Variants in ANKRD50 observed in about 807,000 individuals in gnomAD.
ANKRD50 encodes the protein ankyrin repeat domain 50.
ANKRD50 carries 40 observed loss-of-function variants against 112.0 expected under a neutral mutation model. That is an observed-to-expected ratio of 0.36 (90% CI 0.28 to 0.46). The LOEUF is 0.46. ANKRD50 is among the 20% of genes least tolerant of loss of function. ANKRD50 has a pLI of 1.00. For synonymous variants in ANKRD50, 613 were observed against 619.1 expected (o/e 0.99, Z 0.15); for missense variants, 1,487 against 1,701.7 (o/e 0.87, Z 2.22).
In ANKRD50 at chr4:124,671,059, C is replaced by T. The variant is rs759097848; in HGVS notation, c.2218G>A (p.Glu740Lys). 1.9e-6 allele frequency: 3 copies of T among 1,613,692 alleles called. No homozygotes were observed. Among genetic ancestry groups the T allele is most frequent in the Non-Finnish European group, 1.7e-6 (2 of 1,179,856 alleles). ...VVSLLIDRGA[E>K]VDHCDKDGMT... Reference sequence around the variant, plus strand: ...CCATCTTTATCACAATGATCTACTTCAGCACCTCGATCAATTAAAAGGCTA... The same window carrying T: ...CCATCTTTATCACAATGATCTACTTTAGCACCTCGATCAATTAAAAGGCTA... Residue 740 changes from glutamate (E) to lysine (K), a missense_variant, in exon 4 of 5, where the codon GAA (glutamate) becomes AAA (lysine). Coordinates refer to ENST00000504087, the MANE Select transcript of ANKRD50 (RefSeq NM_020337.3).
chr4:124,674,387 G>T (rs1166731271), intron 3 of ANKRD50, among the ~76,000 whole-genome samples: 7 of 151,860 alleles, frequency 4.6e-5, no homozygotes, highest in Non-Finnish European at 1.0e-4. Context: ...AACAGGTAGG[G>T]TTCTACAGAA....
chr4:124,687,213 T>C (rs1560825667), intron 2 of ANKRD50, among the ~76,000 whole-genome samples: 2 of 152,208 alleles, frequency 1.3e-5, no homozygotes. Context: ...AACATGATTT[T>C]TCACAAAGTT....
chr4:124,674,178 A>T (rs75587739), intron 3 of ANKRD50, among the ~76,000 whole-genome samples: 1 of 151,994 alleles, frequency 6.6e-6, no homozygotes, highest in Non-Finnish European at 1.5e-5. Context: ...TTAAGAAATA[A>T]TATTATTTTA....
chr4:124,709,914 C>T (rs1007334376), intron 2 of ANKRD50, 86 bp downstream of exon 2: 8 of 1,510,008 alleles, frequency 5.3e-6, no homozygotes, highest in East Asian at 4.5e-5. Context: ...TAAAAGTAAC[C>T]CACAAAGTTA....
In ANKRD50 at chr4:124,683,675, C is replaced by T. The variant is rs191136976; in HGVS notation, c.513-4770G>A. On this transcript the variant is annotated intron_variant, in intron 2 of 4. Transcript: ENST00000504087. ...TTCCCCAAAGACTGCCAATTTTTCT[C>T]TTATTGGCACTCTTTAAGTGTTAAG... is the stretch of plus-strand genomic sequence containing the variant. Among the ~76,000 whole-genome samples, 545 of 148,980 alleles carry T rather than the reference C, an allele frequency of 3.7e-3. 5 individuals are homozygous for T. The highest frequency in any genetic ancestry group is 0.013 in the African/African-American group (522 of 40,610).
At chr4:124,694,856 T>A (rs1197737510) in intron 2 of ANKRD50, among the ~76,000 whole-genome samples, 2 of 151,772 alleles carry the variant, frequency 1.3e-5, no homozygotes, top group Non-Finnish European at 2.9e-5. Flanking sequence ...AACAAAGATG[T>A]AGAAATGGTA....
At chr4:124,702,433 T>G (rs1490469477) in intron 2 of ANKRD50, among the ~76,000 whole-genome samples, 1 of 152,132 alleles carries the variant, frequency 6.6e-6, no homozygotes, top group African/African-American at 2.4e-5. Flanking sequence ...AACTCTAGAA[T>G]CCAGCCTAGG....
At chr4:124,707,755 T>A (rs905783145) in intron 2 of ANKRD50, among the ~76,000 whole-genome samples, 2 of 152,128 alleles carry the variant, frequency 1.3e-5, no homozygotes, top group African/African-American at 2.4e-5. Flanking sequence ...AAAGCAGGGC[T>A]GGTATGGTTT....
At chr4:124,706,833 A>C (rs1355347388) in intron 2 of ANKRD50, among the ~76,000 whole-genome samples, 1 of 152,086 alleles carries the variant, frequency 6.6e-6, no homozygotes, top group Admixed American at 6.5e-5. Context: ...ATTAGTCTAC[A>C]CTTGAGCAAA....
intron 2 of ANKRD50, among the ~76,000 whole-genome samples, chr4:124,698,989 G>T (rs2110524414): frequency 6.6e-6 from 1 of 152,170 alleles, no homozygotes; most frequent in South Asian, 2.1e-4. Flanking sequence ...GTCTGTAAAT[G>T]AATTAAAAGA....
chr4:124,704,858 G>A (rs1448657847), intron 2 of ANKRD50, among the ~76,000 whole-genome samples: 1 of 152,182 alleles, frequency 6.6e-6, no homozygotes, highest in African/African-American at 2.4e-5. Flanking sequence ...ACTCTGGGAG[G>A]CCGAGGTGGG....
chr4:124,690,147 T>C (rs953585683), intron 2 of ANKRD50, among the ~76,000 whole-genome samples: 8 of 152,172 alleles, frequency 5.3e-5, no homozygotes, highest in Non-Finnish European at 1.2e-4. Context: ...TCATGTGTCA[T>C]TAAGAGAGGA....
At chr4:124,712,143 G>C (rs1450164391) in intron 1 of ANKRD50, among the ~76,000 whole-genome samples, 1 of 152,142 alleles carries the variant, frequency 6.6e-6, no homozygotes, top group East Asian at 1.9e-4. Context: ...CCCTTCCAGA[G>C]GCTGGGAGCG....
intron 2 of ANKRD50, among the ~76,000 whole-genome samples, chr4:124,705,402 C>T (rs114549024): frequency 0.019 from 2,920 of 152,252 alleles, 95 homozygotes; most frequent in African/African-American, 0.065. Context: ...ACCCGTGTTA[C>T]CCCTGAAGAT....
chr4:124,687,705 T>C (rs770297348), intron 2 of ANKRD50, among the ~76,000 whole-genome samples: 2 of 152,138 alleles, frequency 1.3e-5, no homozygotes, highest in African/African-American at 4.8e-5. Context: ...GGGCAGAAGA[T>C]TAAAATAGAC....
intron 4 of ANKRD50, among the ~76,000 whole-genome samples, chr4:124,667,769 G>A (rs1730531799): frequency 6.6e-6 from 1 of 151,982 alleles, no homozygotes; most frequent in Middle Eastern, 3.4e-3. Context: ...CATGAGAGTT[G>A]AAAGGGTGCA....
At chr4:124,704,888 A>G (rs1474025969) in intron 2 of ANKRD50, among the ~76,000 whole-genome samples, 1 of 152,162 alleles carries the variant, frequency 6.6e-6, no homozygotes, top group African/African-American at 2.4e-5. Flanking sequence ...AGGTCAGGAA[A>G]TCAAGACCAT....
chr4:124,710,312 T>C lies in ANKRD50; in HGVS notation c.200A>G (p.Lys67Arg). 6.2e-7 allele frequency: 1 copy of C among 1,614,176 alleles called. No homozygotes were observed. The highest frequency in any genetic ancestry group is 2.2e-5 in the East Asian group (1 of 44,884). Residue 67 changes from lysine to arginine, a missense_variant, in exon 2 of 5, where the codon AAG becomes AGG. Lys to Arg is a conservative substitution (Grantham distance 26). Coordinates refer to ENST00000504087, the MANE Select transcript of ANKRD50 (RefSeq NM_020337.3). The part of the protein sequence containing the change: ...SGNNASGVSG[K>R]GAAWGVLLVG... ...CAACAACACACCCCAGGCAGCTCCCTTTCCAGAGACACCACTAGCATTATT... is the reference window on the plus strand; with the variant it reads ...CAACAACACACCCCAGGCAGCTCCCCTTCCAGAGACACCACTAGCATTATT...
Position 124,670,986 on chromosome 4 carries a change from A to G in ANKRD50, c.2291T>C (p.Val764Ala), listed in dbSNP as rs143605112. Reference sequence around the variant, plus strand: ...TGCTCCCCCTTCTAGAAGCAAGTCAACCACATCAACATGTCCTTCATAGGC... The same window carrying G: ...TGCTCCCCCTTCTAGAAGCAAGTCAGCCACATCAACATGTCCTTCATAGGC... ...VAAYEGHVDV[V>A]DLLLEGGADV... is the part of the protein sequence containing the mutation. Residue 764 changes from valine to alanine, a missense_variant, in exon 4 of 5, where the codon GTT becomes GCT. By Grantham distance (64) the Val-to-Ala change is moderately conservative. Transcript: ENST00000504087. 2.7e-5 allele frequency: 43 copies of G among 1,613,910 alleles called. No homozygotes were observed. In the African/African-American group the frequency reaches 5.3e-4, roughly 20 times the overall value.
Sources: allele counts gnomAD v4.1 joint callset (sites outside exome capture counted in the v4.1 genomes callset), GRCh38; gene constraint gnomAD v4.1.1; transcripts MANE v1.5; gene names NCBI Gene and HGNC (gene_info 2026-07-23, HGNC 2026-07-21).